The following ZC3H3 variants were observed in gnomAD, a reference collection of about 807,000 sequenced individuals.
ZC3H3 encodes the protein zinc finger CCCH-type containing 3.
Under a neutral mutation model 77.3 loss-of-function variants are expected in ZC3H3, and 36 were observed. The ratio of observed to expected loss-of-function variants is 0.47; its 90% CI spans 0.36 to 0.61. The LOEUF (loss-of-function observed/expected upper bound fraction) is 0.61, where lower values mean the gene tolerates loss of function less well. Among genes scored for constraint, ZC3H3 ranks in the 20% least tolerant of loss-of-function variants. The pLI is 0.00. For synonymous variants in ZC3H3, 626 were observed against 555.2 expected, an observed-to-expected ratio of 1.13 and a Z score of -1.79; for missense variants, 1,331 against 1,312.2, an observed-to-expected ratio of 1.01 and a Z score of -0.22.
rs77082080 is a variant in ZC3H3, at chr8:143,484,307, G to A, written c.1716-8722C>T. Among the ~76,000 whole-genome samples, 229 of 152,328 alleles carry A rather than the reference G, an allele frequency of 1.5e-3. 1 individual carries two copies. Among genetic ancestry groups the A allele is most frequent in the Non-Finnish European group, 1.4e-3 (98 of 68,024 alleles). On this transcript the variant is annotated intron_variant, in intron 4 of 11. Transcript: ENST00000262577. ...AGAAGGATTCGGAGGCGCCTCTGCAGCCTGGCTGGGTGGCAGGGGGCAATA... is the reference window on the plus strand; with the variant it reads ...AGAAGGATTCGGAGGCGCCTCTGCAACCTGGCTGGGTGGCAGGGGGCAATA...
At chr8:143,503,463 C>G (rs1821588612) in intron 4 of ZC3H3, among the ~76,000 whole-genome samples, 1 of 152,108 alleles carries the variant, frequency 6.6e-6, no homozygotes, top group Non-Finnish European at 1.5e-5. Context: ...CGGCCACAAA[C>G]CTGAGGCCAC....
At chr8:143,502,634 C>T (rs1304493095) in intron 4 of ZC3H3, among the ~76,000 whole-genome samples, 1 of 152,232 alleles carries the variant, frequency 6.6e-6, no homozygotes, top group Admixed American at 6.5e-5. Context: ...TTATTTCGCA[C>T]TTTCATGTCA....
chr8:143,474,099 C>T (rs1245287808), intron 5 of ZC3H3, among the ~76,000 whole-genome samples: 1 of 152,186 alleles, frequency 6.6e-6, no homozygotes, highest in Non-Finnish European at 1.5e-5. Flanking sequence ...TGAGCCAGCT[C>T]CTGCACTGAG....
At chr8:143,439,328 C>A (rs948413627) in intron 11 of ZC3H3, among the ~76,000 whole-genome samples, 4 of 152,288 alleles carry the variant, frequency 2.6e-5, no homozygotes, top group Admixed American at 2.6e-4. Context: ...CTGCAGCAAG[C>A]ATCTTCCATT....
intron 5 of ZC3H3, among the ~76,000 whole-genome samples, chr8:143,474,073 C>G (rs1010067546): frequency 6.6e-6 from 1 of 152,208 alleles, no homozygotes; most frequent in Admixed American, 6.5e-5. Context: ...AAAGCCTCAC[C>G]AAGGCCCCCA....
chr8:143,469,579 G>A (rs1189772870), intron 5 of ZC3H3, among the ~76,000 whole-genome samples: 2 of 152,224 alleles, frequency 1.3e-5, no homozygotes, highest in Non-Finnish European at 2.9e-5. Context: ...CGCACACCAC[G>A]GCCTGGGAGG....
chr8:143,443,155 C>A lies in ZC3H3; in HGVS notation c.2308-2035G>T, dbSNP rs765346452. ...CAAAAATTAGCTGGGTGTGGTGGCA[C>A]GCACCTGTAATCCAAGCTACTTGGG... On this transcript the variant is annotated intron_variant, in intron 9 of 11. Coordinates refer to ENST00000262577, the MANE Select transcript of ZC3H3 (RefSeq NM_015117.3). 8.0e-4 allele frequency among the ~76,000 whole-genome samples: 121 copies of A among 151,914 alleles called. 4 individuals are homozygous for A. Among genetic ancestry groups the A allele is most frequent in the Non-Finnish European group, 2.2e-4 (15 of 67,976 alleles).
At chr8:143,449,374 A>T (rs1408956860) in intron 9 of ZC3H3, among the ~76,000 whole-genome samples, 2 of 152,222 alleles carry the variant, frequency 1.3e-5, no homozygotes, top group Non-Finnish European at 2.9e-5. Context: ...ACATATGAGC[A>T]CCGAATGTCA....
rs559759969 is a variant in ZC3H3, at chr8:143,478,498, C to T, written c.1716-2913G>A. Among the ~76,000 whole-genome samples the T allele has an allele frequency of 1.2e-3, 176 of 152,326 alleles. 2 individuals carry two copies. Among genetic ancestry groups the T allele is most frequent in the Non-Finnish European group, 5.6e-4 (38 of 68,024 alleles). On this transcript the variant is annotated intron_variant, in intron 4 of 11. Transcript: ENST00000262577. Reference sequence around the variant, plus strand: ...GGCTGGGCACTACAGCAGCCATGCCCCCGCTCCTTCTTATTTTTTTGTTTT... The same window carrying T: ...GGCTGGGCACTACAGCAGCCATGCCTCCGCTCCTTCTTATTTTTTTGTTTT...
chr8:143,537,856 C>A, intron 2 of ZC3H3, 147 bp downstream of exon 2: 1 of 953,906 alleles, frequency 1.0e-6, no homozygotes. Flanking sequence ...GCCCAAACCA[C>A]CACAGCAGCA....
At chr8:143,490,489 G>C (rs1269304460) in intron 4 of ZC3H3, among the ~76,000 whole-genome samples, 14 of 152,240 alleles carry the variant, frequency 9.2e-5, no homozygotes, top group Admixed American at 9.2e-4. Flanking sequence ...CTCCTCCCCA[G>C]TGGGGCCCTG....
intron 3 of ZC3H3, among the ~76,000 whole-genome samples, chr8:143,509,023 C>T (rs184167502): frequency 7.6e-4 from 116 of 152,324 alleles, no homozygotes; most frequent in African/African-American, 2.7e-3. Context: ...CAGACTCGCT[C>T]ACTCTCCTGC....
chr8:143,525,380 A>C (rs1336576771), intron 3 of ZC3H3, among the ~76,000 whole-genome samples: 1 of 152,242 alleles, frequency 6.6e-6, no homozygotes, highest in Middle Eastern at 3.2e-3. Flanking sequence ...TCTCCTCTTC[A>C]GGATTCCTGT....
intron 3 of ZC3H3, among the ~76,000 whole-genome samples, chr8:143,516,784 C>T (rs896939): frequency 8.5e-5 from 13 of 152,184 alleles, no homozygotes; most frequent in Admixed American, 3.3e-4. Context: ...CCTGGCCTCG[C>T]GTCCCTGGGA....
At chr8:143,483,815 G>T (rs1820974198) in intron 4 of ZC3H3, among the ~76,000 whole-genome samples, 1 of 152,194 alleles carries the variant, frequency 6.6e-6, no homozygotes, top group Admixed American at 6.5e-5. Flanking sequence ...GCCCTCACCA[G>T]CTCCAAGGGG....
intron 3 of ZC3H3, among the ~76,000 whole-genome samples, chr8:143,517,519 G>A (rs910379486): frequency 6.6e-6 from 1 of 152,210 alleles, no homozygotes; most frequent in Non-Finnish European, 1.5e-5. Flanking sequence ...CTTGGGCCTG[G>A]CCAGGTGTGT....
chr8:143,474,200 G>A (rs1355055134), intron 5 of ZC3H3, among the ~76,000 whole-genome samples: 1 of 152,102 alleles, frequency 6.6e-6, no homozygotes, highest in African/African-American at 2.4e-5. Flanking sequence ...GCACACACAG[G>A]GGTGACACAG....
rs778193896 is a variant in ZC3H3, at chr8:143,538,693, G to A, written c.674C>T (p.Ala225Val). ...PRRTVSESVIAVKASFPSSAL... is the reference protein window; with the variant it reads ...PRRTVSESVIVVKASFPSSAL... ...GGAGGATGGGAAGCTCGCCTTGACG[G>A]CAATCACACTCTCACTGACTGTCCG... is the stretch of plus-strand genomic sequence containing the variant. The change falls in exon 2 of 12, where the codon GCC becomes GTC. Residue 225 changes from alanine (A) to valine (V), a missense_variant. Coordinates refer to ENST00000262577, the MANE Select transcript of ZC3H3 (RefSeq NM_015117.3). 3.1e-6 allele frequency: 5 copies of A among 1,608,032 alleles called. No homozygotes were observed. Among genetic ancestry groups the A allele is most frequent in the Non-Finnish European group, 4.2e-6 (5 of 1,179,866 alleles).
intron 4 of ZC3H3, among the ~76,000 whole-genome samples, chr8:143,506,553 G>A (rs1302149514): frequency 6.6e-6 from 1 of 152,058 alleles, no homozygotes; most frequent in Non-Finnish European, 1.5e-5. Flanking sequence ...CTTATCGAGA[G>A]AATAAAAATT....
Sources: gnomAD v4.1 joint callset for allele counts (sites outside exome capture counted in the v4.1 genomes callset) on GRCh38, gnomAD v4.1.1 for gene constraint, MANE v1.5 for transcripts, NCBI Gene and HGNC (gene_info 2026-07-23, HGNC 2026-07-21) for gene names.